The following ABL1 variants were observed in gnomAD, a reference collection of about 807,000 sequenced individuals.
ABL1 encodes the protein tyrosine-protein kinase ABL1.
In ABL1, 11 loss-of-function variants were observed where a neutral mutation model predicts 94.7. That is an observed-to-expected ratio of 0.12 (90% CI 0.07 to 0.19). The LOEUF is 0.19. ABL1 is among the 10% of genes least tolerant of loss of function. ABL1 has a pLI of 1.00. For synonymous variants in ABL1, 656 were observed against 622.4 expected (o/e 1.05, Z -0.80); for missense variants, 1,082 against 1,489.4 (o/e 0.73, Z 4.50).
At chr9:130,882,700 A>G (rs757593322) in intron 10 of ABL1, among the ~76,000 whole-genome samples, 4 of 151,908 alleles carry the variant, frequency 2.6e-5, no homozygotes, top group Non-Finnish European at 4.4e-5. Flanking sequence ...ACACCCAGCT[A>G]ATTTTTGCAT....
rs186276647 is a variant in ABL1, at chr9:130,758,356, C to T, written c.136+43901C>T. Among the ~76,000 whole-genome samples the T allele has an allele frequency of 1.3e-4, 20 of 151,778 alleles. No homozygotes were observed. The East Asian group carries it at 3.1e-3, about 24-fold the overall frequency. On this transcript the variant is annotated intron_variant, in intron 1 of 10. Transcript: ENST00000372348. The stretch of plus-strand genomic sequence containing the variant: ...TTGTATTTCAGTAGAGATGGGGTTT[C>T]ACCGTGTTGGCCAGGCTGCTCTCGG...
At chr9:130,855,569 G>T (rs1440017510) in intron 3 of ABL1, among the ~76,000 whole-genome samples, 1 of 152,098 alleles carries the variant, frequency 6.6e-6, no homozygotes, top group East Asian at 1.9e-4. Context: ...GAGGTGTGTG[G>T]ACATACGTGC....
chr9:130,824,402 G>A (rs190684988), intron 1 of ABL1, among the ~76,000 whole-genome samples: 2 of 152,314 alleles, frequency 1.3e-5, no homozygotes, highest in East Asian at 1.9e-4. Context: ...AGGATGCCCA[G>A]CCAAAGTGGG....
At chr9:130,758,552 C>T (rs775483455) in intron 1 of ABL1, among the ~76,000 whole-genome samples, 30 of 152,200 alleles carry the variant, frequency 2.0e-4, no homozygotes, top group Non-Finnish European at 3.1e-4. Context: ...CCTGCCTCAG[C>T]CTCCCAAGTA....
rs1830461643 is a variant in ABL1, at chr9:130,828,987, AT to A, written c.137-25076del. On this transcript the variant is annotated intron_variant, in intron 1 of 10. Coordinates refer to the ABL1 transcript ENST00000372348. ...TTCAGAACACCAAGAATATTAGAAG[AT>A]CCTAAAAGTTTCCAAAGAGAAAAAA... Among the ~76,000 whole-genome samples, 4 of 152,170 alleles carry A rather than the reference AT, an allele frequency of 2.6e-5. No individual in the cohort carries two copies. The South Asian group carries it at 8.3e-4, about 32-fold the overall frequency.
At position 130,835,282 on chromosome 9, in the gene ABL1, G is replaced by T; in HGVS notation, c.-165G>T. 1 of 155,362 alleles carries T rather than the reference G, an allele frequency of 6.4e-6. No homozygotes were observed. Among genetic ancestry groups the T allele is most frequent in the South Asian group, 1.8e-4 (1 of 5,684 alleles). The allele number at this position is 155,362 out of a possible 1,614,324, so 9.6% of individuals were successfully genotyped here. On this transcript the variant is annotated 5_prime_UTR_variant, in exon 1 of 11. Transcript: ENST00000318560. This position sits in a 1 kb window ranked among gnomAD's most constrained non-coding sequence, Gnocchi z 4.6. ...AACAGGCGCGTCCCGGCCAGGCGGA[G>T]ACGCGGCCGCGGCCATGGGCGGGCG... is the stretch of plus-strand genomic sequence containing the variant.
rs1038958890 is a variant in ABL1, at chr9:130,887,216, C to T, written c.*1533C>T. ...CAGCCTCGCACAGGCCCTAGCTTTA[C>T]GCTCATCACCTAAACTTGTACTTTA... On this transcript the variant is annotated 3_prime_UTR_variant, in exon 11 of 11. Transcript: ENST00000318560. 2.1e-5 allele frequency: 5 copies of T among 233,060 alleles called. No individual in the cohort carries two copies. The highest frequency in any genetic ancestry group is 8.8e-5 in the African/African-American group (4 of 45,356). 14.4% of individuals were successfully genotyped at this position (233,060 alleles called of 1,614,324 possible).
chr9:130,806,349 G>C (rs1200380791), intron 1 of ABL1, among the ~76,000 whole-genome samples: 4 of 152,164 alleles, frequency 2.6e-5, no homozygotes, highest in African/African-American at 7.2e-5. Flanking sequence ...TTGCCTTTAT[G>C]GTAAGATAAA....
intron 1 of ABL1, among the ~76,000 whole-genome samples, chr9:130,761,952 G>C (rs2132750755): frequency 6.6e-6 from 1 of 152,214 alleles, no homozygotes; most frequent in East Asian, 1.9e-4. Flanking sequence ...AGACCAGCCT[G>C]ACGAACGTGG....
intron 4 of ABL1, among the ~76,000 whole-genome samples, chr9:130,865,093 C>T (rs1021051520): frequency 6.6e-6 from 1 of 152,164 alleles, no homozygotes; most frequent in African/African-American, 2.4e-5. Context: ...TTTCTTATAT[C>T]ACTGAATCTA....
intron 1 of ABL1, among the ~76,000 whole-genome samples, chr9:130,762,268 G>T (rs1446983685): frequency 6.6e-6 from 1 of 152,036 alleles, no homozygotes; most frequent in African/African-American, 2.4e-5. Flanking sequence ...AGCCACTCTT[G>T]TCTGAAGGAG....
chr9:130,718,303 A>T (rs1191987001), intron 1 of ABL1, among the ~76,000 whole-genome samples: 2 of 135,264 alleles, frequency 1.5e-5, no homozygotes, highest in Admixed American at 7.8e-5. Context: ...GGGTAACAGA[A>T]TGAGACTCTG....
chr9:130,799,948 C>G (rs1287181096), intron 1 of ABL1, among the ~76,000 whole-genome samples: 1 of 151,938 alleles, frequency 6.6e-6, no homozygotes, highest in Non-Finnish European at 1.5e-5. Context: ...TCTCGGCTCA[C>G]TGCAACCTCT....
intron 1 of ABL1, among the ~76,000 whole-genome samples, chr9:130,715,926 G>C (rs977900104): frequency 6.6e-6 from 1 of 151,998 alleles, no homozygotes; most frequent in African/African-American, 2.4e-5. Context: ...AGTAAAGCAG[G>C]TGTCTTAGCA....
chr9:130,754,329 A>T (rs1832013873), intron 1 of ABL1, among the ~76,000 whole-genome samples: 1 of 151,386 alleles, frequency 6.6e-6, no homozygotes, highest in African/African-American at 2.4e-5. Flanking sequence ...TAACATGGTG[A>T]AACCCCGTCT....
Position 130,761,890 on chromosome 9 carries a change from C to A in ABL1, c.136+47435C>A, listed in dbSNP as rs150926649. ...GGGCTCAGTGGCTCACACCTGTAAT[C>A]CCAGCACTTTGGGAGGCCGAGGCGG... On this transcript the variant is annotated intron_variant, in intron 1 of 10. Transcript: ENST00000372348. Among the ~76,000 whole-genome samples the A allele has an allele frequency of 4.8e-3, 736 of 152,228 alleles. 6 individuals carry two copies. The highest frequency in any genetic ancestry group is 0.017 in the African/African-American group (709 of 41,532).
chr9:130,816,905 T>C (rs1235879882), intron 1 of ABL1, among the ~76,000 whole-genome samples: 3 of 152,182 alleles, frequency 2.0e-5, no homozygotes, highest in African/African-American at 7.2e-5. Context: ...GGTTTCACCA[T>C]CTTGGCCAGG....
intron 4 of ABL1, among the ~76,000 whole-genome samples, chr9:130,866,719 C>A (rs1184488727): frequency 6.6e-6 from 1 of 152,220 alleles, no homozygotes; most frequent in Admixed American, 6.5e-5. Context: ...GGAATTACAG[C>A]AAAGGCTCAT....
chr9:130,725,826 T>TG lies in ABL1; in HGVS notation c.136+11371_136+11372insG, dbSNP rs1564269458. ...GTTGGTGGAACTTGTGTATGGTGGTTTTTTTTTTTTTTTTTTTTTTTTTTT... is the reference window on the plus strand; with the variant it reads ...GTTGGTGGAACTTGTGTATGGTGGTTGTTTTTTTTTTTTTTTTTTTTTTTTT... On this transcript the variant is annotated intron_variant, in intron 1 of 10. Coordinates refer to the ABL1 transcript ENST00000372348. 9.9e-5 allele frequency among the ~76,000 whole-genome samples: 7 copies of TG among 70,868 alleles called. 1 individual carries two copies. The highest frequency in any genetic ancestry group is 5.5e-4 in the African/African-American group (5 of 9,042). The allele number at this position is 70,868 out of a possible 152,430, so 46.5% of individuals were successfully genotyped here.
Sources: gnomAD v4.1 joint callset for allele counts (sites outside exome capture counted in the v4.1 genomes callset) on GRCh38, gnomAD v4.1.1 for gene constraint, Gnocchi (gnomAD v3.1) non-coding constraint, MANE v1.5 for transcripts, NCBI Gene and HGNC (gene_info 2026-07-23, HGNC 2026-07-21) for gene names.